The following ITM2B variants were observed in gnomAD, a reference collection of about 807,000 sequenced individuals.
ITM2B encodes the protein ABri/ADan amyloid peptide.
ITM2B carries 11 observed loss-of-function variants against 27.8 expected under a neutral mutation model. That is an observed-to-expected ratio of 0.40 (90% confidence interval 0.25 to 0.66). ITM2B has a LOEUF of 0.66. Among genes scored for constraint, ITM2B ranks in the 30% least tolerant of loss-of-function variants. The pLI, the probability that ITM2B is intolerant of heterozygous loss-of-function variation, is 0.43. For synonymous variants in ITM2B, 114 were observed against 114.3 expected (o/e 1.00, Z 0.02); for missense variants, 296 against 328.9 (o/e 0.90, Z 0.77).
Position 48,263,741 on chromosome 13 carries a change from C to A in ITM2B, c.*2517C>A, listed in dbSNP as rs937229180. ...CTCCTTCCTCACAGAAAGCTCTCTT[C>A]TCTCTGTGACCTTATATCACAGATG... On this transcript the variant is annotated 3_prime_UTR_variant, in exon 6 of 6. Coordinates refer to ENST00000647800, the MANE Select transcript of ITM2B (RefSeq NM_021999.5). 2 of 152,200 alleles carry A rather than the reference C, an allele frequency of 1.3e-5. No individual in the cohort carries two copies. The highest frequency in any genetic ancestry group is 4.8e-5 in the African/African-American group (2 of 41,438). The allele number at this position is 152,200 out of a possible 1,614,324, so 9.4% of individuals were successfully genotyped here. A position where few individuals can be genotyped will look rare whatever the true frequency, so the allele number is the denominator to read the frequency against.
rs922120266 is a variant in ITM2B, at chr13:48,264,607, C to T, written c.*3383C>T. 5 of 152,174 alleles carry T rather than the reference C, an allele frequency of 3.3e-5. 1 individual carries two copies. In the South Asian group the frequency reaches 1.0e-3, roughly 31 times the overall value. 9.4% of individuals were successfully genotyped at this position (152,174 alleles called of 1,614,324 possible). ...GTTGCCCAGAGTTATATAAATCCTA[C>T]TCTATTGCACACTAATCTTTGCATG... On this transcript the variant is annotated 3_prime_UTR_variant, in exon 6 of 6. Transcript: ENST00000647800.
intron 1 of ITM2B, among the ~76,000 whole-genome samples, chr13:48,245,403 CTA>C (rs541490798): frequency 8.4e-4 from 128 of 151,850 alleles, no homozygotes; most frequent in African/African-American, 2.5e-3. Flanking sequence ...ATTTTTTAAA[CTA>C]TGTAGAAAAA....
intron 2 of ITM2B, 49 bp from the exon 3 acceptor site, chr13:48,256,128 A>G: frequency 7.2e-7 from 1 of 1,386,010 alleles, no homozygotes; most frequent in African/African-American, 1.4e-5. Flanking sequence ...CTTATTTAAA[A>G]ACCTGTCTCA....
rs1951838222 is a variant in ITM2B at position 48,264,163 on chromosome 13, AAT to A, written c.*2941_*2942del. 6.6e-6 allele frequency: 1 copy of A among 152,194 alleles called. No individual in the cohort carries two copies. Among genetic ancestry groups the A allele is most frequent in the Non-Finnish European group, 1.5e-5 (1 of 68,036 alleles). 9.4% of individuals were successfully genotyped at this position (152,194 alleles called of 1,614,324 possible). On this transcript the variant is annotated 3_prime_UTR_variant, in exon 6 of 6. Coordinates refer to ENST00000647800, the MANE Select transcript of ITM2B (RefSeq NM_021999.5). The stretch of plus-strand genomic sequence containing the variant: ...TTAAGAGGTGGCTGAGAATTAAAAT[AAT>A]AGGCATGAAAATGCTTCATACAGCT...
chr13:48,269,576 C>G lies in ITM2B; in HGVS notation c.*8352C>G, dbSNP rs1431690869. 6.6e-6 allele frequency: 1 copy of G among 152,428 alleles called. No individual in the cohort carries two copies. The highest frequency in any genetic ancestry group is 2.4e-5 in the African/African-American group (1 of 41,448). 9.4% of individuals were successfully genotyped at this position (152,428 alleles called of 1,614,324 possible). A position where few individuals can be genotyped will look rare whatever the true frequency, so the allele number is the denominator to read the frequency against. ...CCTTTCTCACTCCTCTACAGCCACA[C>G]AGCTGCCTCACTTTCCTTTGAACGT... On this transcript the variant is annotated 3_prime_UTR_variant, in exon 6 of 6. Coordinates refer to ENST00000647800, the MANE Select transcript of ITM2B (RefSeq NM_021999.5).
At chr13:48,242,691 C>T (rs1951706322) in intron 1 of ITM2B, among the ~76,000 whole-genome samples, 1 of 152,136 alleles carries the variant, frequency 6.6e-6, no homozygotes, top group South Asian at 2.1e-4. Flanking sequence ...TGGCATTGCT[C>T]CATTATCTTC....
At chr13:48,255,250 T>TGCGCGCGC in intron 2 of ITM2B, among the ~76,000 whole-genome samples, 1 of 129,298 alleles carries the variant, frequency 7.7e-6, no homozygotes, top group South Asian at 2.5e-4. Flanking sequence ...TGTGTGTGTG[T>TGCGCGCGC]GTGTGCGCGC....
chr13:48,254,444 C>T (rs540845719), intron 2 of ITM2B, among the ~76,000 whole-genome samples: 2 of 152,308 alleles, frequency 1.3e-5, no homozygotes, highest in Admixed American at 1.3e-4. Flanking sequence ...ATTGAAATAA[C>T]ATAGGATGAA....
At chr13:48,253,985 T>A in intron 2 of ITM2B, 49 bp downstream of exon 2, 2 of 1,514,944 alleles carry the variant, frequency 1.3e-6, no homozygotes, top group Non-Finnish European at 9.1e-7. Context: ...TTTTTTTGCC[T>A]CTCCCGATGT....
At chr13:48,242,685 A>G (rs1951706273) in intron 1 of ITM2B, among the ~76,000 whole-genome samples, 1 of 152,120 alleles carries the variant, frequency 6.6e-6, no homozygotes, top group Non-Finnish European at 1.5e-5. Flanking sequence ...TTTTGATGGC[A>G]TTGCTCCATT....
intron 1 of ITM2B, among the ~76,000 whole-genome samples, chr13:48,236,687 A>G (rs1270490066): frequency 6.6e-6 from 1 of 152,186 alleles, no homozygotes; most frequent in Non-Finnish European, 1.5e-5. Context: ...GGGTAGAGGT[A>G]TTATGTAATA....
intron 3 of ITM2B, among the ~76,000 whole-genome samples, 189 bp downstream of exon 3, chr13:48,256,572 T>C (rs9332285): frequency 0.021 from 3,233 of 152,296 alleles, 112 homozygotes; most frequent in South Asian, 0.074. Flanking sequence ...TTATCTCTCC[T>C]TCCCCTTGCC....
intron 1 of ITM2B, among the ~76,000 whole-genome samples, chr13:48,251,506 A>C (rs1009816358): frequency 6.6e-6 from 1 of 152,220 alleles, no homozygotes; most frequent in African/African-American, 2.4e-5. Flanking sequence ...AGCTCTTGGC[A>C]CATAGTAGAC....
At position 48,269,126 on chromosome 13, in the gene ITM2B, A is replaced by AG. The variant is rs1951869801; in HGVS notation, c.*7903dup. 6.6e-6 allele frequency: 1 copy of AG among 152,156 alleles called. No homozygotes were observed. The highest frequency in any genetic ancestry group is 2.4e-5 in the African/African-American group (1 of 41,422). 9.4% of individuals were successfully genotyped at this position (152,156 alleles called of 1,614,324 possible). On this transcript the variant is annotated 3_prime_UTR_variant, in exon 6 of 6. Transcript: ENST00000647800. ...TTTCCTCCCATGGTTTCCTCATCTC[A>AG]GCTCCTTTTTTTTTCCAGTTGCACA...
In ITM2B at chr13:48,263,476, T is replaced by C. The variant is rs1235699333; in HGVS notation, c.*2252T>C. 1 of 152,204 alleles carries C rather than the reference T, an allele frequency of 6.6e-6. No individual in the cohort carries two copies. The highest frequency in any genetic ancestry group is 1.5e-5 in the Non-Finnish European group (1 of 68,114). 9.4% of individuals were successfully genotyped at this position (152,204 alleles called of 1,614,324 possible). ...CATGGAAAAACCAGAGGGTGAGGGA[T>C]GTGGATGAGAAGATGACAGAGAATC... On this transcript the variant is annotated 3_prime_UTR_variant, in exon 6 of 6. Coordinates refer to ENST00000647800, the MANE Select transcript of ITM2B (RefSeq NM_021999.5).
At position 48,253,826 on chromosome 13, in the gene ITM2B, C is replaced by G. The variant is rs766715423; in HGVS notation, c.136C>G (p.Pro46Ala). Reference protein sequence around the residue: ...VDCKDPDDVVPVGQRRAWCWC... With the variant: ...VDCKDPDDVVAVGQRRAWCWC... ...ATTTTAGGACCCAGATGATGTGGTA[C>G]CAGTTGGCCAAAGAAGAGCCTGGTG... is the stretch of plus-strand genomic sequence containing the variant. The change falls in exon 2 of 6, where the codon CCA becomes GCA. Residue 46 changes from proline to alanine, a missense_variant. Pro to Ala is a conservative substitution (Grantham distance 27, BLOSUM62 -1). Coordinates refer to ENST00000647800, the MANE Select transcript of ITM2B (RefSeq NM_021999.5). 3 of 1,613,620 alleles carry G rather than the reference C, an allele frequency of 1.9e-6. No individual in the cohort carries two copies. Among genetic ancestry groups the G allele is most frequent in the African/African-American group, 2.7e-5 (2 of 74,864 alleles).
In ITM2B at chr13:48,265,384, C is replaced by T. The variant is rs887414821; in HGVS notation, c.*4160C>T. ...GCAAATGGAGGATATTTAAGAAACC[C>T]AAGCCAGAAACCCCACAGTCTTCAC... On this transcript the variant is annotated 3_prime_UTR_variant, in exon 6 of 6. Coordinates refer to ENST00000647800, the MANE Select transcript of ITM2B (RefSeq NM_021999.5). 4.6e-5 allele frequency: 7 copies of T among 152,162 alleles called. No homozygotes were observed. The highest frequency in any genetic ancestry group is 1.7e-4 in the African/African-American group (7 of 41,396). 9.4% of individuals were successfully genotyped at this position (152,162 alleles called of 1,614,324 possible). A position where few individuals can be genotyped will look rare whatever the true frequency, so the allele number is the denominator to read the frequency against.
chr13:48,237,628 A>C (rs1432569201), intron 1 of ITM2B, among the ~76,000 whole-genome samples: 2 of 152,246 alleles, frequency 1.3e-5, no homozygotes, highest in Non-Finnish European at 2.9e-5. Flanking sequence ...TTACAGGCCT[A>C]TTTAAATTAA....
chr13:48,235,435 G>A (rs1951662382), intron 1 of ITM2B, among the ~76,000 whole-genome samples: 1 of 152,170 alleles, frequency 6.6e-6, no homozygotes, highest in Non-Finnish European at 1.5e-5. Context: ...CAGCAGTCAC[G>A]GATGAGTTGG....
Sources: gnomAD v4.1 joint callset for allele counts (sites outside exome capture counted in the v4.1 genomes callset) on GRCh38, gnomAD v4.1.1 for gene constraint, MANE v1.5 for transcripts, NCBI Gene and HGNC (gene_info 2026-07-23, HGNC 2026-07-21) for gene names.